EFCAB3: variants seen among roughly 807,000 people sequenced by gnomAD.
The protein encoded by EFCAB3 is EF-hand calcium binding domain 3, also known as EF-hand calcium-binding domain-containing protein 3.
In EFCAB3, 36 loss-of-function variants were observed where a neutral mutation model predicts 42.2. The observed-to-expected ratio is 0.85, with a 90% CI of 0.65 to 1.13. The LOEUF (loss-of-function observed/expected upper bound fraction) is 1.13. EFCAB3 is among the 50% of genes most tolerant of loss of function. EFCAB3 has a pLI of 0.00. For synonymous variants in EFCAB3, 170 were observed against 172.8 expected, an observed-to-expected ratio of 0.98 and a Z score of 0.13; for missense variants, 418 against 505.1, an observed-to-expected ratio of 0.83 and a Z score of 1.65.
intron 8 of EFCAB3, among the ~76,000 whole-genome samples, chr17:62,412,726 C>T (rs968407154): frequency 2.7e-5 from 4 of 150,938 alleles, no homozygotes; most frequent in African/African-American, 9.8e-5. Flanking sequence ...TCCCAAAGTG[C>T]TGGAATCACA....
chr17:62,385,901 T>TTA lies in EFCAB3; in HGVS notation c.75-1439_75-1438insTA, dbSNP rs1555571474. 2.7e-5 allele frequency among the ~76,000 whole-genome samples: 4 copies of TTA among 150,354 alleles called. No individual in the cohort carries two copies. The East Asian group carries it at 5.9e-4, about 22-fold the overall frequency. ...TGCCCGGCTAATTTTTTTTTTTTTT[T>TTA]AATTTTTAGTAGAGGCGGGGTTTCA... is the stretch of plus-strand genomic sequence containing the variant. On this transcript the variant is annotated intron_variant, in intron 2 of 9. Coordinates refer to ENST00000305286, the MANE Select transcript of EFCAB3 (RefSeq NM_173503.4).
At chr17:62,385,881 G>A (rs893518790) in intron 2 of EFCAB3, among the ~76,000 whole-genome samples, 4 of 144,514 alleles carry the variant, frequency 2.8e-5, no homozygotes, top group Non-Finnish European at 4.5e-5. Flanking sequence ...CACCATGCCC[G>A]GCTAATTTTT....
chr17:62,411,086 G>C (rs901411626), intron 8 of EFCAB3, among the ~76,000 whole-genome samples: 1 of 152,098 alleles, frequency 6.6e-6, no homozygotes, highest in Non-Finnish European at 1.5e-5. Context: ...TACCTTGGGA[G>C]GTCTGCCAGA....
upstream of EFCAB3, chr17:62,378,059 G>A (rs1012826682): frequency 2.7e-6 from 4 of 1,483,952 alleles, no homozygotes; most frequent in African/African-American, 5.7e-5. Context: ...TAAAGATGGG[G>A]CTTAATACTT....
At chr17:62,380,423 C>T (rs2070186665), upstream of EFCAB3, 1 of 228,508 alleles carries the variant, frequency 4.4e-6, no homozygotes, top group African/African-American at 2.3e-5. Flanking sequence ...CTCATATACA[C>T]CAAGGGTGCT....
At position 62,415,119 on chromosome 17, in the gene EFCAB3, C is replaced by A. The variant is rs201700416; in HGVS notation, c.991-884C>A. Among the ~76,000 whole-genome samples, 317 of 125,980 alleles carry A rather than the reference C, an allele frequency of 2.5e-3. 5 individuals are homozygous for A. The East Asian group carries it at 0.092, about 36-fold the overall frequency. The allele number at this position is 125,980 out of a possible 152,430, so 82.6% of individuals were successfully genotyped here. The stretch of plus-strand genomic sequence containing the variant: ...ACTCCGTCTCAAAAACAAAAAAAAA[C>A]AAAAAAAAACAAAAAAACCACATTT... On this transcript the variant is annotated intron_variant, in intron 9 of 9. Transcript: ENST00000305286.
chr17:62,385,901 T>A (rs946464807), intron 2 of EFCAB3, among the ~76,000 whole-genome samples: 10 of 150,354 alleles, frequency 6.7e-5, no homozygotes, highest in South Asian at 4.2e-4. Flanking sequence ...TTTTTTTTTT[T>A]AATTTTTAGT....
chr17:62,393,583 GGT>G lies in EFCAB3; in HGVS notation c.308_309del (p.Val103GlufsTer12). On this transcript the variant is annotated frameshift_variant, in exon 5 of 10. Coordinates refer to ENST00000305286, the MANE Select transcript of EFCAB3 (RefSeq NM_173503.4). LOFTEE classifies it high-confidence loss of function. ...AGATTTTTGTTGCAGGAGATGGGAAGGTGAACTTCTCAGACTTTATCAAGGTT... is the reference window on the plus strand; with the variant it reads ...AGATTTTTGTTGCAGGAGATGGGAAGGAACTTCTCAGACTTTATCAAGGTT... ...KCADIDRDGK[V>X]NFSDFIKVLT... The G allele has an allele frequency of 1.2e-6, 2 of 1,613,952 alleles. No homozygotes were observed. Among genetic ancestry groups the G allele is most frequent in the Non-Finnish European group, 1.7e-6 (2 of 1,179,886 alleles).
At chr17:62,378,037 G>C (rs1223647825), upstream of EFCAB3, 1 of 1,543,728 alleles carries the variant, frequency 6.5e-7, no homozygotes, top group Admixed American at 2.0e-5. Context: ...GAAAGCTGAT[G>C]TGAAGCCATT....
chr17:62,387,833 C>T (rs1374183174), intron 3 of EFCAB3, among the ~76,000 whole-genome samples: 8 of 152,154 alleles, frequency 5.3e-5, no homozygotes, highest in African/African-American at 1.9e-4. Flanking sequence ...CAAAAATGTA[C>T]TAGGCGTGGG....
At position 62,387,401 on chromosome 17, in the gene EFCAB3, G is replaced by A; in HGVS notation, c.136G>A (p.Ala46Thr). 2 of 1,611,558 alleles carry A rather than the reference G, an allele frequency of 1.2e-6. No homozygotes were observed. The highest frequency in any genetic ancestry group is 1.1e-5 in the South Asian group (1 of 90,970). ...ACAACACAAAGAAAAGAAGCTAAGT[G>A]CTTCACAAATGGCAGGTAATGAGAA... ...QLQHKEKKLS[A>T]SQMAAFQDAY... The change falls in exon 3 of 10, where the codon GCT becomes ACT. Residue 46 changes from alanine to threonine, a missense_variant. Physicochemically the swap from Ala to Thr is moderately conservative, Grantham distance 58. Coordinates refer to ENST00000305286, the MANE Select transcript of EFCAB3 (RefSeq NM_173503.4).
rs761379196 is a variant in EFCAB3 at position 62,406,469 on chromosome 17, T to G, written c.489-11T>G. 1.9e-5 allele frequency: 29 copies of G among 1,563,304 alleles called. No individual in the cohort carries two copies. In the South Asian group the frequency reaches 3.4e-4, roughly 18 times the overall value. On this transcript the variant is annotated splice_polypyrimidine_tract_variant and intron_variant, in intron 6 of 9. Coordinates refer to ENST00000305286, the MANE Select transcript of EFCAB3 (RefSeq NM_173503.4). ...TTTGTATCCATTTCTGAATTACTTT[T>G]TTTTTTAAAGCTATTTCCAAAGAAA...
At chr17:62,411,844 G>A (rs1253048190) in intron 8 of EFCAB3, among the ~76,000 whole-genome samples, 1 of 124,722 alleles carries the variant, frequency 8.0e-6, no homozygotes, top group Non-Finnish European at 1.7e-5. Context: ...AGGGAAGAAA[G>A]GAAGGAAGGA....
Position 62,372,481 on chromosome 17 carries a change from C to G in EFCAB3, c.35-1333C>G, listed in dbSNP as rs189559306. On this transcript the variant is annotated intron_variant, in intron 1 of 11. Transcript: ENST00000450662. ...ATTTTTTGTAGAGACGGGGTACCAC[C>G]GTGTTGCCCAGGCTGGTCTCCAACT... Among the ~76,000 whole-genome samples, 5 of 152,132 alleles carry G rather than the reference C, an allele frequency of 3.3e-5. No individual in the cohort carries two copies. The East Asian group carries it at 9.7e-4, about 29-fold the overall frequency.
At chr17:62,383,597 A>T (rs1343925638) in intron 2 of EFCAB3, among the ~76,000 whole-genome samples, 1 of 152,176 alleles carries the variant, frequency 6.6e-6, no homozygotes, top group Admixed American at 6.5e-5. Context: ...GAAGAGAAAT[A>T]TTTTTTATGA....
At chr17:62,381,068 T>C (rs1414859961) in intron 1 of EFCAB3, among the ~76,000 whole-genome samples, 6 of 152,126 alleles carry the variant, frequency 3.9e-5, no homozygotes, top group African/African-American at 7.2e-5. Flanking sequence ...TACATACGTA[T>C]ACATGTGCCA....
chr17:62,382,860 C>A, intron 1 of EFCAB3, 103 bp from the exon 2 acceptor site: 1 of 904,152 alleles, frequency 1.1e-6, no homozygotes. Flanking sequence ...TTTCTTGAGG[C>A]CCTAGACTTT....
chr17:62,382,581 A>G (rs1222342797), intron 1 of EFCAB3, among the ~76,000 whole-genome samples: 1 of 152,128 alleles, frequency 6.6e-6, no homozygotes, highest in Non-Finnish European at 1.5e-5. Flanking sequence ...ATCTCCCCAT[A>G]TCTCCTTCCT....
chr17:62,383,093 T>C (rs777482655), intron 2 of EFCAB3, 40 bp downstream of exon 2: 1 of 1,537,046 alleles, frequency 6.5e-7, no homozygotes, highest in South Asian at 1.2e-5. Context: ...TGTATTATGA[T>C]AAAGAATTAT....
Sources: allele counts gnomAD v4.1 joint callset (sites outside exome capture counted in the v4.1 genomes callset), GRCh38; gene constraint gnomAD v4.1.1; transcripts MANE v1.5; gene names NCBI Gene and HGNC (gene_info 2026-07-23, HGNC 2026-07-21).